The following FAM13A variants were observed in gnomAD, a reference collection of about 807,000 sequenced individuals.
FAM13A encodes protein FAM13A.
Under a neutral mutation model 129.6 loss-of-function variants are expected in FAM13A, and 76 were observed. The ratio of observed to expected loss-of-function variants is 0.59; its 90% CI spans 0.49 to 0.71. FAM13A has a LOEUF of 0.71. Among genes scored for constraint, FAM13A ranks in the 30% least tolerant of loss-of-function variants. The pLI is 0.00. For missense variants in FAM13A, 1,108 were observed against 1,249.3 expected (o/e 0.89, Z 1.70); for synonymous variants, 443 against 449.9 (o/e 0.98, Z 0.20).
chr4:88,779,745 T>C (rs1445144911), intron 11 of FAM13A, among the ~76,000 whole-genome samples: 1 of 152,194 alleles, frequency 6.6e-6, no homozygotes, highest in Non-Finnish European at 1.5e-5. Flanking sequence ...AGTAAACACA[T>C]ATTCTAAGGA....
chr4:88,862,579 G>T (rs1739672947), intron 6 of FAM13A, among the ~76,000 whole-genome samples: 1 of 152,164 alleles, frequency 6.6e-6, no homozygotes. Context: ...TTTTTGGACT[G>T]AAATTCCCCC....
chr4:88,821,378 A>G (rs1194932888), intron 7 of FAM13A, among the ~76,000 whole-genome samples: 2 of 152,220 alleles, frequency 1.3e-5, no homozygotes, highest in Non-Finnish European at 1.5e-5. Context: ...ACATTCTTGA[A>G]TGCAAATTCA....
At chr4:88,875,005 A>G (rs1319408913) in intron 6 of FAM13A, among the ~76,000 whole-genome samples, 1 of 152,236 alleles carries the variant, frequency 6.6e-6, no homozygotes, top group Non-Finnish European at 1.5e-5. Context: ...CAAGCATATG[A>G]TCTTTGACAA....
intron 19 of FAM13A, among the ~76,000 whole-genome samples, chr4:88,745,336 G>A (rs565079976): frequency 1.3e-5 from 2 of 152,260 alleles, no homozygotes; most frequent in East Asian, 1.9e-4. Context: ...CCAATTCTAC[G>A]TGTCTGACCC....
chr4:88,791,266 C>T (rs1353133088), intron 8 of FAM13A, among the ~76,000 whole-genome samples: 1 of 152,074 alleles, frequency 6.6e-6, no homozygotes, highest in Admixed American at 6.6e-5. Context: ...TTGTTGAGCA[C>T]TTACAAATTT....
In FAM13A at chr4:88,769,159, G is replaced by A. The variant is rs115935282; in HGVS notation, c.1459-1100C>T. 1.5e-3 allele frequency among the ~76,000 whole-genome samples: 230 copies of A among 152,250 alleles called. 2 individuals are homozygous for A. Among genetic ancestry groups the A allele is most frequent in the African/African-American group, 5.4e-3 (223 of 41,544 alleles). ...CCATTATAATAAAACCCTTTACTAA[G>A]TAAATCTAAGGTTCACAATAATCCC... is the stretch of plus-strand genomic sequence containing the variant. On this transcript the variant is annotated intron_variant, in intron 11 of 23. Coordinates refer to ENST00000264344, the MANE Select transcript of FAM13A (RefSeq NM_014883.4).
intron 4 of FAM13A, among the ~76,000 whole-genome samples, chr4:88,979,583 A>G (rs1264298725): frequency 6.6e-6 from 1 of 152,138 alleles, no homozygotes; most frequent in East Asian, 1.9e-4. Flanking sequence ...TAGGGTTTTG[A>G]GGATAAAATG....
intron 6 of FAM13A, among the ~76,000 whole-genome samples, chr4:88,854,151 A>G (rs1028544099): frequency 1.3e-5 from 2 of 152,198 alleles, no homozygotes; most frequent in Non-Finnish European, 2.9e-5. Context: ...CTATCCTATT[A>G]GTTCTGTCCC....
intron 5 of FAM13A, among the ~76,000 whole-genome samples, chr4:88,934,433 A>G (rs945276030): frequency 6.6e-6 from 1 of 152,194 alleles, no homozygotes; most frequent in Non-Finnish European, 1.5e-5. Context: ...CGTATAGTCC[A>G]TGGTCCATTA....
intron 5 of FAM13A, among the ~76,000 whole-genome samples, chr4:88,911,275 T>C (rs769432739): frequency 1.3e-4 from 20 of 152,224 alleles, no homozygotes; most frequent in Non-Finnish European, 2.5e-4. Context: ...TCCAGCTATA[T>C]GCTTTCTCTG....
At chr4:88,752,457 C>T (rs918614220) in intron 14 of FAM13A, among the ~76,000 whole-genome samples, 49 of 152,072 alleles carry the variant, frequency 3.2e-4, no homozygotes, top group Middle Eastern at 6.8e-3. Flanking sequence ...CACAGGTTCT[C>T]GAAATTTAAA....
At chr4:88,790,529 G>T in intron 9 of FAM13A, 57 bp downstream of exon 9, 4 of 1,376,524 alleles carry the variant, frequency 2.9e-6, no homozygotes, top group Admixed American at 2.0e-5. Flanking sequence ...TAATAAGTGG[G>T]ACAGGGCATT....
intron 4 of FAM13A, among the ~76,000 whole-genome samples, chr4:88,957,341 T>G (rs1169391252): frequency 6.7e-6 from 1 of 150,358 alleles, no homozygotes; most frequent in Non-Finnish European, 1.5e-5. Flanking sequence ...AAAAAAAAAG[T>G]GTGTGGCACC....
intron 1 of FAM13A, among the ~76,000 whole-genome samples, chr4:89,047,166 G>C (rs1271249736): frequency 6.6e-6 from 1 of 152,126 alleles, no homozygotes; most frequent in South Asian, 2.1e-4. Flanking sequence ...GGGTGGGGTG[G>C]AGAGAAGGCT....
chr4:88,731,841 TA>T (rs1173618504), intron 22 of FAM13A, 160 bp downstream of exon 22: 3 of 621,780 alleles, frequency 4.8e-6, no homozygotes, highest in East Asian at 2.9e-5. Context: ...CTGAAGCATA[TA>T]AAAAAAGAAA....
rs532273014 is a variant in FAM13A, at chr4:89,012,006, TGATG to T, written c.427+8450_427+8453del. Among the ~76,000 whole-genome samples, 75 of 152,334 alleles carry T rather than the reference TGATG, an allele frequency of 4.9e-4. No individual in the cohort carries two copies. In the Middle Eastern group the frequency reaches 0.017, roughly 35 times the overall value. ...ATTTAGAAGTTACTAAAAAAAATAC[TGATG>T]GATGATCTAATTCCAAGTCATCAAA... On this transcript the variant is annotated intron_variant, in intron 3 of 23. Transcript: ENST00000264344.
Position 88,758,910 on chromosome 4 carries a change from A to G in FAM13A, c.1579-9T>C, listed in dbSNP as rs2149508441. ...ATCTTCATTGTGGGGCTCTGCAATA[A>G]CAGCACAATGTCCCCAAATATCTAC... On this transcript the variant is annotated splice_polypyrimidine_tract_variant and intron_variant, in intron 13 of 23. Transcript: ENST00000264344. 1 of 1,612,682 alleles carries G rather than the reference A, an allele frequency of 6.2e-7. No individual in the cohort carries two copies. The highest frequency in any genetic ancestry group is 1.7e-4 in the Middle Eastern group (1 of 6,034).
At chr4:88,830,730 A>C (rs1733758925) in intron 7 of FAM13A, among the ~76,000 whole-genome samples, 1 of 152,176 alleles carries the variant, frequency 6.6e-6, no homozygotes, top group African/African-American at 2.4e-5. Flanking sequence ...TTTGGATTCT[A>C]AAATCTTGTC....
chr4:88,904,045 T>C (rs961955288), intron 6 of FAM13A, among the ~76,000 whole-genome samples: 1 of 152,134 alleles, frequency 6.6e-6, no homozygotes, highest in African/African-American at 2.4e-5. Context: ...ATTAGATACA[T>C]GGAAATCAAA....
Sources: gnomAD v4.1 joint callset for allele counts (sites outside exome capture counted in the v4.1 genomes callset) on GRCh38, gnomAD v4.1.1 for gene constraint, MANE v1.5 for transcripts, NCBI Gene and HGNC (gene_info 2026-07-23, HGNC 2026-07-21) for gene names.